Variants in C13orf42 observed in about 807,000 individuals in gnomAD.
C13orf42 encodes the protein chromosome 13 open reading frame 42, also known as uncharacterized protein C13orf42.
intron 1 of C13orf42, among the ~76,000 whole-genome samples, chr13:51,154,579 A>T (rs968832126): frequency 6.6e-6 from 1 of 152,236 alleles, no homozygotes; most frequent in Admixed American, 6.5e-5. Context: ...AAGCGAGAAA[A>T]GTAAGAGACT....
chr13:51,127,726 T>G (rs2138019019), intron 1 of C13orf42, among the ~76,000 whole-genome samples: 1 of 152,312 alleles, frequency 6.6e-6, no homozygotes, highest in East Asian at 1.9e-4. Context: ...TTTAAAAAAC[T>G]ATACGTATTG....
intron 1 of C13orf42, among the ~76,000 whole-genome samples, chr13:51,143,867 G>A (rs1275803373): frequency 6.6e-6 from 1 of 151,912 alleles, no homozygotes; most frequent in Non-Finnish European, 1.5e-5. Context: ...ATGGTGTTTG[G>A]TTTTCTTTGG....
chr13:51,125,433 T>A (rs1176113785), intron 1 of C13orf42, among the ~76,000 whole-genome samples: 1 of 152,166 alleles, frequency 6.6e-6, no homozygotes, highest in East Asian at 1.9e-4. Context: ...TTGTCGAGAA[T>A]GTATATTTTA....
intron 1 of C13orf42, among the ~76,000 whole-genome samples, chr13:51,099,355 T>C (rs1953264127): frequency 6.6e-6 from 1 of 152,122 alleles, no homozygotes; most frequent in Admixed American, 6.5e-5. Context: ...CATAGCCACA[T>C]ACAAATTTTC....
At chr13:51,133,565 A>AT (rs909413074) in intron 1 of C13orf42, among the ~76,000 whole-genome samples, 2 of 151,942 alleles carry the variant, frequency 1.3e-5, no homozygotes, top group Non-Finnish European at 2.9e-5. Flanking sequence ...TTAAATATAT[A>AT]TTTTTTAATT....
intron 1 of C13orf42, among the ~76,000 whole-genome samples, chr13:51,130,940 G>C (rs553819841): frequency 3.9e-5 from 6 of 151,922 alleles, no homozygotes; most frequent in Admixed American, 1.3e-4. Flanking sequence ...GTGTTGTTTT[G>C]AGTTAGGATA....
chr13:51,127,629 A>C (rs1953587066), intron 1 of C13orf42, among the ~76,000 whole-genome samples: 2 of 152,238 alleles, frequency 1.3e-5, no homozygotes, highest in Non-Finnish European at 2.9e-5. Context: ...TTGGGTGTCC[A>C]ATATATTACT....
chr13:51,155,401 C>G (rs904497451), intron 1 of C13orf42, among the ~76,000 whole-genome samples: 1 of 152,230 alleles, frequency 6.6e-6, no homozygotes, highest in Non-Finnish European at 1.5e-5. Context: ...TCAAGAAAGG[C>G]TTCCAAGAAA....
At position 51,124,199 on chromosome 13, in the gene C13orf42, C is replaced by A. The variant is rs540195614; in HGVS notation, n.137-10977G>T. Among the ~76,000 whole-genome samples, 5 of 152,312 alleles carry A rather than the reference C, an allele frequency of 3.3e-5. No homozygotes were observed. The East Asian group carries it at 9.7e-4, about 29-fold the overall frequency. ...ATAAGAGAACAGCTTCGACTCCCTACAATTTCATCCCCGGGCCAACCAATC... is the reference window on the plus strand; with the variant it reads ...ATAAGAGAACAGCTTCGACTCCCTAAAATTTCATCCCCGGGCCAACCAATC... On this transcript the variant is annotated intron_variant and non_coding_transcript_variant, in intron 1 of 4. Transcript: ENST00000433280.
At chr13:51,101,250 A>G (rs1417797755) in intron 1 of C13orf42, among the ~76,000 whole-genome samples, 1 of 152,220 alleles carries the variant, frequency 6.6e-6, no homozygotes, top group East Asian at 1.9e-4. Flanking sequence ...TACACAGGAA[A>G]ATATGACTAA....
At chr13:51,134,656 G>C (rs1480494972) in intron 1 of C13orf42, among the ~76,000 whole-genome samples, 2 of 152,142 alleles carry the variant, frequency 1.3e-5, no homozygotes, top group Admixed American at 1.3e-4. Context: ...AAACCTGCTG[G>C]GCCCAGCTCC....
chr13:51,103,257 T>C lies in C13orf42; in HGVS notation c.414+7539A>G, dbSNP rs1953312038. Among the ~76,000 whole-genome samples the C allele has an allele frequency of 2.0e-5, 3 of 152,216 alleles. 1 individual carries two copies. In the South Asian group the frequency reaches 6.2e-4, roughly 32 times the overall value. ...ACCCATTTCTCAAAGTGGCCTGTGG[T>C]TGTTGCTGTTTCTCTGGCCCTAAAA... On this transcript the variant is annotated intron_variant, in intron 1 of 3. Coordinates refer to ENST00000563710, the MANE Select transcript of C13orf42 (RefSeq NM_001351589.3).
chr13:51,095,225 C>T (rs1953219362), intron 1 of C13orf42, among the ~76,000 whole-genome samples: 1 of 152,096 alleles, frequency 6.6e-6, no homozygotes, highest in African/African-American at 2.4e-5. Context: ...TAATTTTTAT[C>T]TTAGTTATGC....
intron 1 of C13orf42, among the ~76,000 whole-genome samples, chr13:51,145,585 A>G (rs1953727964): frequency 6.6e-6 from 1 of 152,204 alleles, no homozygotes; most frequent in Non-Finnish European, 1.5e-5. Context: ...GGCCCCCAAA[A>G]TCACTAAAGA....
chr13:51,163,655 G>A (rs1953883482), intron 1 of C13orf42, among the ~76,000 whole-genome samples: 1 of 152,144 alleles, frequency 6.6e-6, no homozygotes, highest in Non-Finnish European at 1.5e-5. Flanking sequence ...TCCAAGGAAT[G>A]GGCCAGGGGT....
At chr13:51,159,646 C>T (rs1953849316) in intron 1 of C13orf42, among the ~76,000 whole-genome samples, 2 of 152,176 alleles carry the variant, frequency 1.3e-5, no homozygotes, top group South Asian at 2.1e-4. Flanking sequence ...AAAATTCTCA[C>T]ATACAATAAA....
chr13:51,164,460 A>G (rs969396279), intron 1 of C13orf42, among the ~76,000 whole-genome samples: 1 of 152,196 alleles, frequency 6.6e-6, no homozygotes, highest in African/African-American at 2.4e-5. Context: ...CCAGGAGTTC[A>G]AGACCAGCCT....
upstream of C13orf42, among the ~76,000 whole-genome samples, chr13:51,116,200 A>G (rs1953490099): frequency 6.6e-6 from 1 of 152,176 alleles, no homozygotes; most frequent in Non-Finnish European, 1.5e-5. Flanking sequence ...GCGTGGCCCT[A>G]ATTTGGGAGC....
At chr13:51,158,124 T>C (rs959669623) in intron 1 of C13orf42, among the ~76,000 whole-genome samples, 11 of 152,218 alleles carry the variant, frequency 7.2e-5, no homozygotes, top group Non-Finnish European at 1.5e-4. Context: ...ATTTTGCAGA[T>C]GGGAAAATTG....
Sources: gnomAD v4.1 joint callset for allele counts (sites outside exome capture counted in the v4.1 genomes callset) on GRCh38, gnomAD v4.1.1 for gene constraint, MANE v1.5 for transcripts, NCBI Gene and HGNC (gene_info 2026-07-23, HGNC 2026-07-21) for gene names.